Variants in DTNB observed in about 807,000 individuals in gnomAD.
The protein encoded by DTNB is dystrobrevin beta.
In DTNB, 63 loss-of-function variants were observed where a neutral mutation model predicts 90.7. The ratio of observed to expected loss-of-function variants is 0.69; its 90% CI spans 0.57 to 0.86. The LOEUF is 0.86. Among genes scored for constraint, DTNB ranks in the 40% least tolerant of loss-of-function variants. DTNB has a pLI of 0.00. For missense variants in DTNB, 744 were observed against 807.1 expected (o/e 0.92, Z 0.95); for synonymous variants, 277 against 286.7 (o/e 0.97, Z 0.34).
chr2:25,385,684 G>A (rs976087897), intron 18 of DTNB, among the ~76,000 whole-genome samples: 2 of 152,092 alleles, frequency 1.3e-5, no homozygotes, highest in African/African-American at 2.4e-5. Flanking sequence ...CTAAAGTAAG[G>A]GACTGGACAA....
intron 2 of DTNB, among the ~76,000 whole-genome samples, chr2:25,643,419 A>C (rs2078777115): frequency 6.6e-6 from 1 of 152,234 alleles, no homozygotes; most frequent in East Asian, 1.9e-4. Flanking sequence ...TTCAATGCTA[A>C]CTAGAACACA....
At position 25,551,563 on chromosome 2, in the gene DTNB, C is replaced by T. The variant is rs143084750; in HGVS notation, c.877-19966G>A. 2.4e-3 allele frequency among the ~76,000 whole-genome samples: 368 copies of T among 152,302 alleles called. 2 individuals carry two copies. The highest frequency in any genetic ancestry group is 8.4e-3 in the African/African-American group (350 of 41,574). On this transcript the variant is annotated intron_variant, in intron 8 of 20. Coordinates refer to ENST00000406818, the MANE Select transcript of DTNB (RefSeq NM_021907.5). ...GAGAACTTCCTCCAGGCAGTGTTAG[C>T]GGTTCCCTTCTGCAACTTCTCATTT...
intron 1 of DTNB, among the ~76,000 whole-genome samples, chr2:25,653,469 T>C (rs1436415118): frequency 6.8e-6 from 1 of 147,940 alleles, no homozygotes; most frequent in Non-Finnish European, 1.5e-5. Context: ...AGAAAACTGT[T>C]CAGAGCTTGC....
chr2:25,626,044 C>T (rs2074084181), intron 4 of DTNB, among the ~76,000 whole-genome samples: 2 of 152,152 alleles, frequency 1.3e-5, no homozygotes, highest in Non-Finnish European at 2.9e-5. Context: ...TTCCCAGCCT[C>T]CAGAATTGTA....
At chr2:25,540,661 G>A (rs1196548729) in intron 8 of DTNB, among the ~76,000 whole-genome samples, 1 of 152,092 alleles carries the variant, frequency 6.6e-6, no homozygotes, top group Non-Finnish European at 1.5e-5. Context: ...GTAGAAAGAA[G>A]TAGACATGGG....
chr2:25,383,443 A>C (rs2038481287), intron 19 of DTNB, among the ~76,000 whole-genome samples: 1 of 150,662 alleles, frequency 6.6e-6, no homozygotes, highest in Non-Finnish European at 1.5e-5. Context: ...CTGGTCTTGA[A>C]CTCCTGACCT....
At chr2:25,493,024 C>T (rs930707498) in intron 9 of DTNB, among the ~76,000 whole-genome samples, 11 of 152,066 alleles carry the variant, frequency 7.2e-5, no homozygotes, top group Non-Finnish European at 1.3e-4. Flanking sequence ...AATTTATTGG[C>T]GCATTAGCTC....
intron 10 of DTNB, among the ~76,000 whole-genome samples, chr2:25,461,249 T>C (rs2384235): frequency 0.73 from 111,720 of 152,100 alleles, 41,237 homozygotes; most frequent in East Asian, 0.81. Flanking sequence ...GTCATATAAT[T>C]AGAGATCTGG....
At chr2:25,516,838 C>A (rs947718342) in intron 9 of DTNB, among the ~76,000 whole-genome samples, 6 of 151,870 alleles carry the variant, frequency 4.0e-5, no homozygotes, top group Non-Finnish European at 7.4e-5. Context: ...TACAATGAGC[C>A]AAAGACCGTG....
chr2:25,424,954 G>A lies in DTNB; in HGVS notation c.1554+2581C>T, dbSNP rs917008094. Among the ~76,000 whole-genome samples, 3 of 152,064 alleles carry A rather than the reference G, an allele frequency of 2.0e-5. No homozygotes were observed. The highest frequency in any genetic ancestry group is 1.3e-4 in the Admixed American group (2 of 15,266). On this transcript the variant is annotated intron_variant, in intron 15 of 20. Coordinates refer to ENST00000406818, the MANE Select transcript of DTNB (RefSeq NM_021907.5). This position sits in a 1 kb window ranked among gnomAD's most constrained non-coding sequence, Gnocchi z 4.1. ...TGGTATTACAGGTGTTAGCCACTGC[G>A]CCCGACTGGATACCCTATTATCTCC...
chr2:25,384,146 G>C (rs1045638494), intron 18 of DTNB, among the ~76,000 whole-genome samples: 1 of 152,270 alleles, frequency 6.6e-6, no homozygotes, highest in Non-Finnish European at 1.5e-5. Context: ...CCAGGGCTGG[G>C]GGCGTGCAGT....
At chr2:25,548,908 A>G (rs2083015613) in intron 8 of DTNB, among the ~76,000 whole-genome samples, 1 of 152,222 alleles carries the variant, frequency 6.6e-6, no homozygotes, top group African/African-American at 2.4e-5. Flanking sequence ...ATAAATACAT[A>G]CACCCACAAA....
chr2:25,584,837 G>A (rs1432216320), intron 6 of DTNB, among the ~76,000 whole-genome samples: 3 of 152,146 alleles, frequency 2.0e-5, no homozygotes, highest in African/African-American at 7.2e-5. Context: ...GATTACAGGC[G>A]TGAGCCACCA....
chr2:25,468,534 A>G (rs1015571673), intron 10 of DTNB, among the ~76,000 whole-genome samples: 1 of 152,194 alleles, frequency 6.6e-6, no homozygotes, highest in African/African-American at 2.4e-5. Context: ...GTCCAAAGAG[A>G]ACCACAGCAA....
chr2:25,625,614 T>TCAACTGATTC (rs968508139), intron 4 of DTNB, among the ~76,000 whole-genome samples: 2 of 143,906 alleles, frequency 1.4e-5, no homozygotes, highest in African/African-American at 2.5e-5. Flanking sequence ...ACATCTGCCT[T>TCAACTGATTC]CAACTGATTC....
chr2:25,520,067 C>A (rs770675910), intron 9 of DTNB, among the ~76,000 whole-genome samples: 4 of 151,996 alleles, frequency 2.6e-5, no homozygotes, highest in Non-Finnish European at 4.4e-5. Context: ...TAATAACTCT[C>A]TTCAGAAAAA....
intron 2 of DTNB, among the ~76,000 whole-genome samples, chr2:25,639,906 G>A (rs375537789): frequency 9.8e-5 from 15 of 152,314 alleles, no homozygotes; most frequent in African/African-American, 2.2e-4. Context: ...AAGATCGTAC[G>A]AAGAAGAACT....
intron 16 of DTNB, among the ~76,000 whole-genome samples, chr2:25,394,526 GAAAAC>G (rs1056188704): frequency 2.0e-5 from 3 of 151,884 alleles, no homozygotes; most frequent in Non-Finnish European, 4.4e-5. Context: ...AATCTACAAA[GAAAAC>G]AAATCAGCAA....
chr2:25,563,069 C>G (rs2058499129), intron 8 of DTNB, among the ~76,000 whole-genome samples: 1 of 152,176 alleles, frequency 6.6e-6, no homozygotes, highest in Non-Finnish European at 1.5e-5. Flanking sequence ...CATGCCCAGC[C>G]TAATCTACAT....
Sources: allele counts gnomAD v4.1 joint callset (sites outside exome capture counted in the v4.1 genomes callset), GRCh38; gene constraint gnomAD v4.1.1; non-coding constraint Gnocchi (gnomAD v3.1); transcripts MANE v1.5; gene names NCBI Gene and HGNC (gene_info 2026-07-23, HGNC 2026-07-21).